ANO7: variants seen among roughly 807,000 people sequenced by gnomAD.
ANO7 encodes anoctamin-7.
Under a neutral mutation model 115.8 loss-of-function variants are expected in ANO7, and 114 were observed. The observed-to-expected ratio is 0.98, with a 90% CI of 0.85 to 1.15. The LOEUF (loss-of-function observed/expected upper bound fraction) is 1.15, where lower values mean the gene tolerates loss of function less well. Ranked by LOEUF, ANO7 falls within the 50% of genes most tolerant of loss-of-function variation. The pLI is 0.00. For missense variants in ANO7, 1,302 were observed against 1,201.2 expected (o/e 1.08, Z -1.24); for synonymous variants, 550 against 498.2 (o/e 1.10, Z -1.38).
chr2:241,222,897 C>T (rs969918119), intron 21 of ANO7, among the ~76,000 whole-genome samples: 1 of 152,158 alleles, frequency 6.6e-6, no homozygotes, highest in African/African-American at 2.4e-5. Context: ...ACTGTCACAT[C>T]TACTAGAAAA....
chr2:241,205,510 T>C (rs3856554), intron 10 of ANO7, among the ~76,000 whole-genome samples: 15 of 115,598 alleles, frequency 1.3e-4, no homozygotes, highest in Middle Eastern at 6.6e-3. Flanking sequence ...GTGCTCCCAG[T>C]CTGACAGGTG....
chr2:241,236,920 G>C, the ANO7 span: 16 of 651,736 alleles, frequency 2.5e-5, no homozygotes, highest in Admixed American at 1.3e-4. Flanking sequence ...TCTTGGTCTG[G>C]TCAGGGAGAG....
Position 241,224,029 on chromosome 2 carries a change from G to A in ANO7, c.2584-68G>A, listed in dbSNP as rs960282034. 1.4e-5 allele frequency: 23 copies of A among 1,613,222 alleles called. No homozygotes were observed. In the African/African-American group the frequency reaches 3.1e-4, roughly 22 times the overall value. On this transcript the variant is annotated intron_variant, in intron 24 of 24. Coordinates refer to ENST00000674324, the MANE Select transcript of ANO7 (RefSeq NM_001370694.2). ...ACAGGGCCCTGCCCAGCCGCCCACT[G>A]TGCCTCGTGGCCATGGCCTGCTCCT...
At chr2:241,223,160 C>A (rs771526693) in intron 21 of ANO7, 26 bp from the exon 22 acceptor site, 3 of 1,604,596 alleles carry the variant, frequency 1.9e-6, no homozygotes, top group African/African-American at 2.7e-5. Flanking sequence ...CCTGGCTGCG[C>A]GCACTGAGTC....
rs1470281666 is a variant in ANO7, at chr2:241,225,791, TGGACACCACCGGCCGGAGCATGGC to T, written c.*1644_*1667del. 4.6e-5 allele frequency among the ~76,000 whole-genome samples: 7 copies of T among 152,152 alleles called. No homozygotes were observed. Among genetic ancestry groups the T allele is most frequent in the Non-Finnish European group, 4.4e-5 (3 of 68,024 alleles). On this transcript the variant is annotated 3_prime_UTR_variant, in exon 25 of 25. Transcript: ENST00000674324. ...ATGCAGGCTCACAGCGCCCTGGGGC[TGGACACCACCGGCCGGAGCATGGC>T]GGACAGCACACACGGCCCGGGGCGG... is the stretch of plus-strand genomic sequence containing the variant.
chr2:241,216,196 C>A lies in ANO7; in HGVS notation c.1930C>A (p.Leu644Ile), dbSNP rs2068825372. Residue 644 changes from leucine to isoleucine, a missense_variant, in exon 19 of 25, where the codon CTT (leucine) becomes ATT (isoleucine). Leu to Ile is a conservative substitution (Grantham distance 5). Coordinates refer to ENST00000674324, the MANE Select transcript of ANO7 (RefSeq NM_001370694.2). ...GGGGCCCTGGGAGGACGACTATGAG[C>A]TTGTGCCCTGTGAGGGTCTGTTTGA... is the stretch of plus-strand genomic sequence containing the variant. ...SQGPWEDDYE[L>I]VPCEGLFDEY... 1 of 1,612,360 alleles carries A rather than the reference C, an allele frequency of 6.2e-7. No individual in the cohort carries two copies. Among genetic ancestry groups the A allele is most frequent in the African/African-American group, 1.3e-5 (1 of 74,870 alleles).
At chr2:241,199,044 G>A (rs2068407154) in intron 4 of ANO7, 1 of 448,460 alleles carries the variant, frequency 2.2e-6, no homozygotes, top group East Asian at 4.3e-5. Flanking sequence ...TAGCCTTAGG[G>A]GAGGCTGCAG....
chr2:241,194,050 T>A (rs1297509615), intron 3 of ANO7, among the ~76,000 whole-genome samples: 1 of 152,142 alleles, frequency 6.6e-6, no homozygotes, highest in Non-Finnish European at 1.5e-5. Flanking sequence ...TAATTTTGTA[T>A]TTTTAGTAGA....
intron 21 of ANO7, among the ~76,000 whole-genome samples, chr2:241,220,812 A>T (rs977120869): frequency 6.6e-6 from 1 of 151,756 alleles, no homozygotes; most frequent in Non-Finnish European, 1.5e-5. Flanking sequence ...AAAAACAAGA[A>T]CAACAAACAA....
In ANO7 at chr2:241,224,843, T is replaced by C. The variant is rs941466221; in HGVS notation, c.*690T>C. 1.3e-5 allele frequency: 2 copies of C among 152,274 alleles called. No individual in the cohort carries two copies. The highest frequency in any genetic ancestry group is 4.8e-5 in the African/African-American group (2 of 41,438). The allele number at this position is 152,274 out of a possible 1,614,324, so 9.4% of individuals were successfully genotyped here. ...GCAGCAATTACATGTGTCCTTTTGATCCTTGCCCAACTTCCCTCCCTCTCC... is the reference window on the plus strand; with the variant it reads ...GCAGCAATTACATGTGTCCTTTTGACCCTTGCCCAACTTCCCTCCCTCTCC... On this transcript the variant is annotated 3_prime_UTR_variant, in exon 25 of 25. Transcript: ENST00000674324.
Position 241,204,882 on chromosome 2 carries a change from C to T in ANO7, c.907C>T (p.Leu303Phe). ...FAWLGFYTGWLLPAAVVGTLV... is the reference protein window; with the variant it reads ...FAWLGFYTGWFLPAAVVGTLV... The stretch of plus-strand genomic sequence containing the variant: ...CTCTACAGGGTTTTACACAGGCTGG[C>T]TCCTGCCAGCGGCAGTGGTGGGCAC... The change falls in exon 10 of 25, where the codon CTC (leucine) becomes TTC (phenylalanine). Residue 303 changes from leucine to phenylalanine, a missense_variant. Coordinates refer to ENST00000674324, the MANE Select transcript of ANO7 (RefSeq NM_001370694.2). 1 of 1,613,750 alleles carries T rather than the reference C, an allele frequency of 6.2e-7. No individual in the cohort carries two copies. Among genetic ancestry groups the T allele is most frequent in the Non-Finnish European group, 8.5e-7 (1 of 1,179,902 alleles).
At chr2:241,230,186 G>C, downstream of ANO7, 1 of 1,613,734 alleles carries the variant, frequency 6.2e-7, no homozygotes, top group East Asian at 2.2e-5. This position sits in a 1 kb window ranked among gnomAD's most constrained non-coding sequence, Gnocchi z 5.0. Context: ...TGTGGTCGAT[G>C]GCTTCCTCCA....
intron 3 of ANO7, 123 bp downstream of exon 3, chr2:241,191,374 C>T: frequency 1.6e-6 from 2 of 1,243,686 alleles, no homozygotes; most frequent in Non-Finnish European, 2.3e-6. Flanking sequence ...GGGCCAGTTG[C>T]TTGGGGATGG....
In ANO7 at chr2:241,207,582, T is replaced by C. The variant is rs745909935; in HGVS notation, c.989T>C (p.Leu330Pro). The C allele has an allele frequency of 8.7e-6, 14 of 1,613,386 alleles. No individual in the cohort carries two copies. Among genetic ancestry groups the C allele is most frequent in the East Asian group, 2.2e-5 (1 of 44,878 alleles). The change falls in exon 11 of 25, where the codon CTG (leucine) becomes CCG (proline). Residue 330 changes from leucine to proline, a missense_variant. By Grantham distance (98) the Leu-to-Pro change is moderately conservative. Coordinates refer to ENST00000674324, the MANE Select transcript of ANO7 (RefSeq NM_001370694.2). ...LVFSDIPTQE[L>P]CGSKDSFEMC... ...CGCTCCATGCCTTGCAGGCAGGAAC[T>C]GTGTGGCAGCAAGGACAGCTTCGAG...
At position 241,210,539 on chromosome 2, in the gene ANO7, T is replaced by C. The variant is rs745350156; in HGVS notation, c.1530T>C (p.Tyr510=). The C allele has an allele frequency of 1.9e-6, 3 of 1,613,934 alleles. No individual in the cohort carries two copies. Among genetic ancestry groups the C allele is most frequent in the African/African-American group, 1.3e-5 (1 of 75,064 alleles). Residue 510 remains tyrosine (Y), a synonymous_variant, in exon 15 of 25, where the codon TAT becomes TAC. Coordinates refer to ENST00000674324, the MANE Select transcript of ANO7 (RefSeq NM_001370694.2). ...TCATCCTCATCCTCTCCAAGATCTA[T>C]GTATCCCTGGCCCACGTCCTGACAC... The part of the protein sequence containing the change: ...LVFILILSKI[Y]VSLAHVLTRW...
intron 21 of ANO7, 145 bp downstream of exon 21, chr2:241,218,526 GCCGTGGGCAGGGGCT>G: frequency 1.6e-6 from 1 of 623,094 alleles, no homozygotes. Flanking sequence ...AGCTGGGGGC[GCCGTGGGCAGGGGCT>G]GGGGGGAGGT....
intron 3 of ANO7, among the ~76,000 whole-genome samples, chr2:241,192,383 C>A (rs1347125916): frequency 1.3e-5 from 2 of 152,164 alleles, no homozygotes; most frequent in East Asian, 3.9e-4. Flanking sequence ...TTTCTTTTCT[C>A]ACAGTCTTGG....
chr2:241,216,146 C>G lies in ANO7; in HGVS notation c.1880C>G (p.Ala627Gly), dbSNP rs142717351. 1 of 1,613,272 alleles carries G rather than the reference C, an allele frequency of 6.2e-7. No homozygotes were observed. Among genetic ancestry groups the G allele is most frequent in the South Asian group, 1.1e-5 (1 of 91,076 alleles). Residue 627 changes from alanine to glycine, a missense_variant, in exon 19 of 25, where the codon GCG (alanine) becomes GGG (glycine). Physicochemically the swap from Ala to Gly is moderately conservative, Grantham distance 60. Coordinates refer to ENST00000674324, the MANE Select transcript of ANO7 (RefSeq NM_001370694.2). Reference sequence around the variant, plus strand: ...CGGCTTCGCTCCAAGAAGAGGAAGGCGGGAGCTTCTGCAGGGGCTAGCCAG... The same window carrying G: ...CGGCTTCGCTCCAAGAAGAGGAAGGGGGGAGCTTCTGCAGGGGCTAGCCAG... The part of the protein sequence containing the change: ...KFRLRSKKRK[A>G]GASAGASQGP...
At chr2:241,216,763 G>A (rs970755070) in intron 19 of ANO7, among the ~76,000 whole-genome samples, 1 of 152,246 alleles carries the variant, frequency 6.6e-6, no homozygotes, top group African/African-American at 2.4e-5. Flanking sequence ...CACCTGTGCC[G>A]TCCCTGCAGT....
Sources: gnomAD v4.1 joint callset for allele counts (sites outside exome capture counted in the v4.1 genomes callset) on GRCh38, gnomAD v4.1.1 for gene constraint, Gnocchi (gnomAD v3.1) non-coding constraint, MANE v1.5 for transcripts, NCBI Gene and HGNC (gene_info 2026-07-23, HGNC 2026-07-21) for gene names.